TSPAN15: variants seen among roughly 807,000 people sequenced by gnomAD.
The protein encoded by TSPAN15 is tetraspanin 15, also known as tetraspanin-15.
Under a neutral mutation model 34.5 loss-of-function variants are expected in TSPAN15, and 20 were observed. The ratio of observed to expected loss-of-function variants is 0.58; its 90% CI spans 0.41 to 0.84. The LOEUF is 0.84. Ranked by LOEUF, TSPAN15 falls within the 40% of genes least tolerant of loss-of-function variation. The probability of loss-of-function intolerance (pLI) is 0.00; values close to 1 mark genes in which losing one functional copy is unlikely to be tolerated. For missense variants in TSPAN15, 313 were observed against 386.1 expected, an observed-to-expected ratio of 0.81 and a Z score of 1.59; for synonymous variants, 155 against 153.9, an observed-to-expected ratio of 1.01 and a Z score of -0.05.
rs1469080432 is a variant in TSPAN15, at chr10:69,506,216, C to G, written c.711C>G (p.Ile237Met). The change falls in exon 7 of 8, where the codon ATC becomes ATG. Residue 237 changes from isoleucine (I) to methionine (M), a missense_variant. Coordinates refer to ENST00000373290, the MANE Select transcript of TSPAN15 (RefSeq NM_012339.5). The surrounding 1 kb of genome is among the most constrained non-coding windows in gnomAD (Gnocchi z 4.7). The stretch of plus-strand genomic sequence containing the variant: ...ACAACTACACCATCATGGCGGGCAT[C>G]CTCCTGGGCATCCTGCTTCCCCAGG... ...FMDNYTIMAGILLGILLPQFL... is the reference protein window; with the variant it reads ...FMDNYTIMAGMLLGILLPQFL... 1.9e-6 allele frequency: 3 copies of G among 1,614,036 alleles called. No individual in the cohort carries two copies. The highest frequency in any genetic ancestry group is 2.5e-6 in the Non-Finnish European group (3 of 1,180,022).
Position 69,495,358 on chromosome 10 carries a change from C to G in TSPAN15, c.358-236C>G, listed in dbSNP as rs192009590. The G allele has an allele frequency of 1.4e-5, 7 of 502,110 alleles. No individual in the cohort carries two copies. The East Asian group carries it at 1.8e-4, about 13-fold the overall frequency. 31.1% of individuals were successfully genotyped at this position (502,110 alleles called of 1,614,324 possible). A position where few individuals can be genotyped will look rare whatever the true frequency, so the allele number is the denominator to read the frequency against. On this transcript the variant is annotated intron_variant, in intron 3 of 7. Coordinates refer to ENST00000373290, the MANE Select transcript of TSPAN15 (RefSeq NM_012339.5). ...GCAAAGGGAGTGGAGTGAATTACTC[C>G]TGCTGGGACATAGCACAGGCACTCA... is the stretch of plus-strand genomic sequence containing the variant.
intron 4 of TSPAN15, 110 bp from the exon 5 acceptor site, chr10:69,498,170 G>T: frequency 2.2e-6 from 2 of 920,144 alleles, no homozygotes; most frequent in Non-Finnish European, 1.8e-6. Context: ...CCCTGCCCCA[G>T]GGTGACCCAC....
chr10:69,539,527 A>AGAAGG, the TSPAN15 span, among the ~76,000 whole-genome samples: 6 of 91,360 alleles, frequency 6.6e-5, no homozygotes, highest in African/African-American at 2.3e-4. Context: ...GAAGAAGAAG[A>AGAAGG]AGAAGAAGAA....
intron 1 of TSPAN15, among the ~76,000 whole-genome samples, chr10:69,474,174 C>G (rs891441716): frequency 2.0e-5 from 3 of 146,658 alleles, no homozygotes; most frequent in African/African-American, 7.5e-5. Context: ...CCCACCTGCT[C>G]TCCCCACCGC....
At chr10:69,460,213 G>T (rs1841220883) in intron 1 of TSPAN15, among the ~76,000 whole-genome samples, 1 of 151,690 alleles carries the variant, frequency 6.6e-6, no homozygotes, top group Non-Finnish European at 1.5e-5. Context: ...CCAGAGGCTG[G>T]GCCCCTCCCA....
At chr10:69,479,210 T>C (rs1360897696) in intron 1 of TSPAN15, among the ~76,000 whole-genome samples, 1 of 152,202 alleles carries the variant, frequency 6.6e-6, no homozygotes, top group East Asian at 1.9e-4. Context: ...TAAGTGCAGA[T>C]TTGCCCCAGC....
chr10:69,488,132 T>C (rs1841893024), intron 3 of TSPAN15, among the ~76,000 whole-genome samples: 1 of 152,206 alleles, frequency 6.6e-6, no homozygotes, highest in African/African-American at 2.4e-5. Flanking sequence ...GAGACTAGGG[T>C]GATTTTTCTC....
chr10:69,524,467 A>C, the TSPAN15 span, among the ~76,000 whole-genome samples: 2 of 147,534 alleles, frequency 1.4e-5, no homozygotes, highest in Non-Finnish European at 3.0e-5. Flanking sequence ...CTCTGTCTCA[A>C]AACAAAAACA....
the TSPAN15 span, among the ~76,000 whole-genome samples, chr10:69,548,666 C>A: frequency 6.6e-6 from 1 of 151,894 alleles, no homozygotes; most frequent in East Asian, 1.9e-4. Flanking sequence ...CTAGGGTTTG[C>A]ACGTAGTGGA....
At chr10:69,493,957 G>A (rs1842023554) in intron 3 of TSPAN15, among the ~76,000 whole-genome samples, 1 of 152,202 alleles carries the variant, frequency 6.6e-6, no homozygotes, top group South Asian at 2.1e-4. Context: ...AGCGAGGCTC[G>A]GGGAGGAGGT....
At chr10:69,501,396 G>A (rs1842205393) in intron 5 of TSPAN15, among the ~76,000 whole-genome samples, 1 of 152,208 alleles carries the variant, frequency 6.6e-6, no homozygotes, top group Non-Finnish European at 1.5e-5. Context: ...GAGTCTCCCT[G>A]TGCCACCACA....
At chr10:69,542,033 A>G in the TSPAN15 span, among the ~76,000 whole-genome samples, 2 of 152,210 alleles carry the variant, frequency 1.3e-5, no homozygotes, top group African/African-American at 4.8e-5. Flanking sequence ...TTTCTTTTCT[A>G]TCGCATTGCC....
chr10:69,467,465 T>G (rs932728366), intron 1 of TSPAN15, among the ~76,000 whole-genome samples: 3 of 152,080 alleles, frequency 2.0e-5, no homozygotes, highest in Non-Finnish European at 4.4e-5. Context: ...ACCTCTTCCT[T>G]TAGCCAGGTG....
chr10:69,525,294 T>TA, the TSPAN15 span, among the ~76,000 whole-genome samples: 1 of 147,642 alleles, frequency 6.8e-6, no homozygotes, highest in African/African-American at 2.5e-5. Flanking sequence ...ATATAAAACT[T>TA]ACAGGATGCA....
downstream of TSPAN15, among the ~76,000 whole-genome samples, chr10:69,508,815 T>C (rs1403899445): frequency 2.0e-5 from 3 of 152,178 alleles, no homozygotes; most frequent in Admixed American, 6.5e-5. Context: ...TGAGCCCAGA[T>C]AGGATCTCTT....
intron 4 of TSPAN15, among the ~76,000 whole-genome samples, chr10:69,496,264 C>G (rs943480474): frequency 2.6e-5 from 4 of 151,304 alleles, no homozygotes; most frequent in Non-Finnish European, 4.4e-5. Flanking sequence ...TGATGATGAT[C>G]CTATTCCTTT....
At chr10:69,502,591 T>G (rs1726806964) in intron 5 of TSPAN15, among the ~76,000 whole-genome samples, 1 of 152,182 alleles carries the variant, frequency 6.6e-6, no homozygotes, top group South Asian at 2.1e-4. Flanking sequence ...CCTGTGAACT[T>G]CAGCAGAGCC....
chr10:69,468,357 G>A (rs1841433325), intron 1 of TSPAN15, among the ~76,000 whole-genome samples: 1 of 152,176 alleles, frequency 6.6e-6, no homozygotes, highest in South Asian at 2.1e-4. Flanking sequence ...GCACTGATGT[G>A]TAGGGCAGTG....
At chr10:69,458,693 C>G (rs368586749) in intron 1 of TSPAN15, among the ~76,000 whole-genome samples, 1 of 152,092 alleles carries the variant, frequency 6.6e-6, no homozygotes, top group Non-Finnish European at 1.5e-5. Context: ...GGCCACAGAG[C>G]CTTTAAAATC....
Sources: gnomAD v4.1 joint callset for allele counts (sites outside exome capture counted in the v4.1 genomes callset) on GRCh38, gnomAD v4.1.1 for gene constraint, Gnocchi (gnomAD v3.1) non-coding constraint, MANE v1.5 for transcripts, NCBI Gene and HGNC (gene_info 2026-07-23, HGNC 2026-07-21) for gene names.